Variants in KCND3 observed in about 807,000 individuals in gnomAD.
The protein encoded by KCND3 is A-type voltage-gated potassium channel KCND3.
In KCND3, 9 loss-of-function variants were observed where a neutral mutation model predicts 51.1. That is an observed-to-expected ratio of 0.18 (90% confidence interval 0.11 to 0.31). The LOEUF (loss-of-function observed/expected upper bound fraction) is 0.31, where lower values mean the gene tolerates loss of function less well. KCND3 is among the 10% of genes least tolerant of loss of function. The probability of loss-of-function intolerance (pLI) is 1.00; values close to 1 mark genes in which losing one functional copy is unlikely to be tolerated. For synonymous variants in KCND3, 349 were observed against 368.0 expected (o/e 0.95, Z 0.59); for missense variants, 526 against 903.8 (o/e 0.58, Z 5.36).
intron 2 of KCND3, among the ~76,000 whole-genome samples, chr1:111,974,110 T>A (rs547549935): frequency 2.3e-3 from 350 of 152,320 alleles, no homozygotes; most frequent in Non-Finnish European, 4.3e-3. Context: ...CATACACCCA[T>A]CATTTGCATT....
intron 2 of KCND3, among the ~76,000 whole-genome samples, chr1:111,875,408 C>T (rs1669006314): frequency 6.6e-6 from 1 of 152,184 alleles, no homozygotes; most frequent in South Asian, 2.1e-4. Context: ...CAAGACCCTC[C>T]TTAATTTCCC....
chr1:111,986,788 G>A lies in KCND3; in HGVS notation c.-73+2717C>T, dbSNP rs140666780. ...TGCTGTGAGGATGGAGTTAGCCTGAGCCTCAAGGTAGCAAAGGGAGCTCTG... is the reference window on the plus strand; with the variant it reads ...TGCTGTGAGGATGGAGTTAGCCTGAACCTCAAGGTAGCAAAGGGAGCTCTG... On this transcript the variant is annotated intron_variant, in intron 1 of 7. Coordinates refer to ENST00000302127, the MANE Select transcript of KCND3 (RefSeq NM_001378969.1). 3.4e-3 allele frequency among the ~76,000 whole-genome samples: 524 copies of A among 152,292 alleles called. 1 individual carries two copies. The highest frequency in any genetic ancestry group is 5.1e-3 in the Non-Finnish European group (350 of 68,028).
At chr1:111,968,873 G>A (rs892362415) in intron 2 of KCND3, among the ~76,000 whole-genome samples, 4 of 152,128 alleles carry the variant, frequency 2.6e-5, no homozygotes, top group Admixed American at 1.3e-4. Context: ...GGGTAGGGAC[G>A]TCACCAACTC....
Position 111,772,323 on chromosome 1 carries a change from A to G in KCND3, c.*3754T>C, listed in dbSNP as rs980660501. The G allele has an allele frequency of 6.6e-6, 1 of 152,218 alleles. No individual in the cohort carries two copies. Among genetic ancestry groups the G allele is most frequent in the Non-Finnish European group, 1.5e-5 (1 of 68,034 alleles). 9.4% of individuals were successfully genotyped at this position (152,218 alleles called of 1,614,324 possible). A position where few individuals can be genotyped will look rare whatever the true frequency, so the allele number is the denominator to read the frequency against. ...CACTTGTTCACTGATTTCTGACAAA[A>G]TTGATAGTCCATAGATGTTTCTACC... is the stretch of plus-strand genomic sequence containing the variant. On this transcript the variant is annotated 3_prime_UTR_variant, in exon 8 of 8. Coordinates refer to ENST00000302127, the MANE Select transcript of KCND3 (RefSeq NM_001378969.1).
Position 111,771,079 on chromosome 1 carries a change from C to T in KCND3, c.*4998G>A, listed in dbSNP as rs1663894641. 6.6e-6 allele frequency: 1 copy of T among 152,142 alleles called. No homozygotes were observed. Among genetic ancestry groups the T allele is most frequent in the Non-Finnish European group, 1.5e-5 (1 of 68,028 alleles). The allele number at this position is 152,142 out of a possible 1,614,324, so 9.4% of individuals were successfully genotyped here. ...AATAGTCCATTGGTCCAAGGAGCCC[C>T]CCAGGACTTGGGTCAGTGCCGTACA... On this transcript the variant is annotated 3_prime_UTR_variant, in exon 8 of 8. Transcript: ENST00000302127.
chr1:111,901,603 G>T (rs2101792201), intron 2 of KCND3, among the ~76,000 whole-genome samples: 2 of 152,310 alleles, frequency 1.3e-5, no homozygotes, highest in African/African-American at 4.8e-5. Context: ...CATGAAAATG[G>T]GTCAGGACAA....
At chr1:111,901,653 C>G (rs188848278) in intron 2 of KCND3, among the ~76,000 whole-genome samples, 1 of 152,168 alleles carries the variant, frequency 6.6e-6, no homozygotes, top group African/African-American at 2.4e-5. Context: ...CCTCTGTAGG[C>G]GGTGGGGAGG....
chr1:111,832,015 T>TG (rs1243331158), intron 2 of KCND3, among the ~76,000 whole-genome samples: 1 of 152,114 alleles, frequency 6.6e-6, no homozygotes, highest in Non-Finnish European at 1.5e-5. Context: ...GGATCCTCAA[T>TG]GGGGGGAATA....
Position 111,981,911 on chromosome 1 carries a change from G to A in KCND3, c.816C>T (p.Ile272=), listed in dbSNP as rs766882991. 9 of 1,613,988 alleles carry A rather than the reference G, an allele frequency of 5.6e-6. No individual in the cohort carries two copies. Among genetic ancestry groups the A allele is most frequent in the Admixed American group, 5.0e-5 (3 of 60,002 alleles). The part of the protein sequence containing the change: ...IDVVAIMPYY[I]GLVMTNNEDV... ...CCTCGTTGTTGGTCATGACCAGACC[G>A]ATGTAGTAGGGCATGATGGCCACCA... is the stretch of plus-strand genomic sequence containing the variant. The change falls in exon 2 of 8, where the codon ATC becomes ATT. Residue 272 remains isoleucine (I), a synonymous_variant. Coordinates refer to ENST00000302127, the MANE Select transcript of KCND3 (RefSeq NM_001378969.1). The surrounding 1 kb of genome is among the most constrained non-coding windows in gnomAD (Gnocchi z 6.2).
intron 2 of KCND3, among the ~76,000 whole-genome samples, chr1:111,928,999 T>C (rs982421626): frequency 2.6e-5 from 4 of 152,272 alleles, no homozygotes; most frequent in Non-Finnish European, 4.4e-5. Flanking sequence ...CAAACGGCTC[T>C]GGCAGCTGCA....
chr1:111,926,221 T>C (rs1671690385), intron 2 of KCND3, among the ~76,000 whole-genome samples: 1 of 152,094 alleles, frequency 6.6e-6, no homozygotes, highest in Admixed American at 6.5e-5. Context: ...TTAAACTGAG[T>C]TGGGGGACAT....
intron 2 of KCND3, among the ~76,000 whole-genome samples, chr1:111,921,679 G>A (rs947418600): frequency 1.3e-5 from 2 of 152,174 alleles, no homozygotes; most frequent in African/African-American, 4.8e-5. Flanking sequence ...AGGGAGGACT[G>A]GGGATGCAGT....
At chr1:111,984,878 C>A (rs1271993054) in intron 1 of KCND3, among the ~76,000 whole-genome samples, 2 of 152,192 alleles carry the variant, frequency 1.3e-5, no homozygotes, top group African/African-American at 4.8e-5. Flanking sequence ...TTCCTCCTCT[C>A]CTCACTATGA....
chr1:111,855,048 T>C (rs377084310), intron 2 of KCND3, among the ~76,000 whole-genome samples: 13 of 152,312 alleles, frequency 8.5e-5, no homozygotes, highest in African/African-American at 3.1e-4. Flanking sequence ...CACCTGACTG[T>C]GCCCTGTCTC....
intron 2 of KCND3, among the ~76,000 whole-genome samples, chr1:111,972,265 C>T (rs1209155870): frequency 2.7e-5 from 4 of 148,366 alleles, no homozygotes; most frequent in South Asian, 2.2e-4. Context: ...CTCCGCCTCC[C>T]GGGTTCACGC....
chr1:111,778,252 G>A (rs578193502), intron 6 of KCND3, among the ~76,000 whole-genome samples, 184 bp downstream of exon 6: 1 of 152,278 alleles, frequency 6.6e-6, no homozygotes, highest in East Asian at 1.9e-4. Context: ...AAAGACAGTT[G>A]GGTGGTTCAG....
chr1:111,981,661 C>G lies in KCND3; in HGVS notation c.1066G>C (p.Ala356Pro). 6.2e-7 allele frequency: 1 copy of G among 1,614,170 alleles called. No individual in the cohort carries two copies. The highest frequency in any genetic ancestry group is 8.5e-7 in the Non-Finnish European group (1 of 1,180,036). The change falls in exon 2 of 8, where the codon GCC becomes CCC. Residue 356 changes from alanine (A) to proline (P), a missense_variant. This residue lies in a region of KCND3 where 48 missense variants were observed against 228.5 expected (regional missense o/e 0.21). Transcript: ENST00000302127. This position sits in a 1 kb window ranked among gnomAD's most constrained non-coding sequence, Gnocchi z 6.2. ...SSASKFTSIP[A>P]SFWYTIVTMT... The stretch of plus-strand genomic sequence containing the variant: ...GTGACAATGGTGTACCAAAACGAGG[C>G]AGGGATGCTTGTGAACTTGCTGGCC...
chr1:111,860,797 C>T (rs746215582), intron 2 of KCND3, among the ~76,000 whole-genome samples: 61 of 152,304 alleles, frequency 4.0e-4, no homozygotes, highest in Middle Eastern at 3.4e-3. Context: ...TTAGTCCTCC[C>T]GGGTTGACCA....
intron 2 of KCND3, among the ~76,000 whole-genome samples, chr1:111,814,386 A>G (rs933677816): frequency 1.3e-5 from 2 of 152,212 alleles, no homozygotes; most frequent in African/African-American, 4.8e-5. Flanking sequence ...AGCACTGTGG[A>G]TTCTACGCCG....
Sources: gnomAD v4.1 joint callset for allele counts (sites outside exome capture counted in the v4.1 genomes callset) on GRCh38, gnomAD v4.1.1 for gene constraint, gnomAD v4.1.1 regional missense constraint, Gnocchi (gnomAD v3.1) non-coding constraint, MANE v1.5 for transcripts, NCBI Gene and HGNC (gene_info 2026-07-23, HGNC 2026-07-21) for gene names.